The following FLRT2 variants were observed in gnomAD, a reference collection of about 807,000 sequenced individuals.
FLRT2 encodes leucine-rich repeat transmembrane protein FLRT2.
Under a neutral mutation model 40.0 loss-of-function variants are expected in FLRT2, and 15 were observed. The observed-to-expected ratio is 0.38, with a 90% CI of 0.25 to 0.58. The LOEUF (loss-of-function observed/expected upper bound fraction) is 0.58, where lower values mean the gene tolerates loss of function less well. Ranked by LOEUF, FLRT2 falls within the 20% of genes least tolerant of loss-of-function variation. The pLI is 0.71. For synonymous variants in FLRT2, 380 were observed against 336.8 expected, an observed-to-expected ratio of 1.13 and a Z score of -1.41; for missense variants, 726 against 840.0, an observed-to-expected ratio of 0.86 and a Z score of 1.68.
chr14:85,535,349 C>A (rs965488094), intron 1 of FLRT2, among the ~76,000 whole-genome samples: 10 of 68,772 alleles, frequency 1.5e-4, no homozygotes, highest in Non-Finnish European at 2.8e-4. Context: ...TGAAAAGCCC[C>A]CCCCCAAAAA....
chr14:85,553,356 A>G (rs1354977588), intron 1 of FLRT2, among the ~76,000 whole-genome samples: 3 of 152,182 alleles, frequency 2.0e-5, no homozygotes, highest in African/African-American at 7.2e-5. Flanking sequence ...CAGTGAGGCT[A>G]TGCTGCTGGG....
intron 1 of FLRT2, among the ~76,000 whole-genome samples, chr14:85,545,078 GCT>G (rs1171534696): frequency 2.6e-5 from 4 of 152,064 alleles, no homozygotes; most frequent in African/African-American, 7.2e-5. Context: ...AATACTGGAG[GCT>G]TATAACACCA....
intron 1 of FLRT2, 113 bp downstream of exon 1, chr14:85,530,647 G>A (rs1179937985): frequency 1.3e-5 from 2 of 152,444 alleles, no homozygotes; most frequent in African/African-American, 4.8e-5. Context: ...AGCTGGGGGT[G>A]GTCATCTTAA....
chr14:85,554,086 T>G (rs1889804093), intron 1 of FLRT2, among the ~76,000 whole-genome samples: 1 of 152,148 alleles, frequency 6.6e-6, no homozygotes, highest in South Asian at 2.1e-4. Context: ...GAGAACATCT[T>G]ATTTTAGTCT....
rs1365864504 is a variant in FLRT2, at chr14:85,642,618, A to C, written c.*19121A>C. On this transcript the variant is annotated 3_prime_UTR_variant, in exon 2 of 2. Transcript: ENST00000330753. ...GAGAAATCTGCGGACTATGTATGGC[A>C]ACAGACTCAAAGGGAGGTACACCAG... is the stretch of plus-strand genomic sequence containing the variant. 2.0e-5 allele frequency: 3 copies of C among 152,210 alleles called. No individual in the cohort carries two copies. Among genetic ancestry groups the C allele is most frequent in the Non-Finnish European group, 2.9e-5 (2 of 68,030 alleles). 9.4% of individuals were successfully genotyped at this position (152,210 alleles called of 1,614,324 possible). A position where few individuals can be genotyped will look rare whatever the true frequency, so the allele number is the denominator to read the frequency against.
Position 85,579,641 on chromosome 14 carries a change from A to C in FLRT2, c.-376-41498A>C, listed in dbSNP as rs1030867498. 5.3e-5 allele frequency among the ~76,000 whole-genome samples: 8 copies of C among 152,120 alleles called. 1 individual carries two copies. The highest frequency in any genetic ancestry group is 1.9e-4 in the African/African-American group (8 of 41,440). ...AAAATGGAAATAAAATTCTTAGCCC[A>C]TGGGGTTGTTTTGAAGATGCAAACA... On this transcript the variant is annotated intron_variant, in intron 1 of 1. Transcript: ENST00000330753.
rs1894200318 is a variant in FLRT2 at position 85,643,303 on chromosome 14, C to CTTTCTTTCTTTCTTTA, written c.*19821_*19822insATTTCTTTCTTTCTTT. 5 of 92,260 alleles carry CTTTCTTTCTTTCTTTA rather than the reference C, an allele frequency of 5.4e-5. 1 individual carries two copies. Among genetic ancestry groups the CTTTCTTTCTTTCTTTA allele is most frequent in the African/African-American group, 1.6e-4 (3 of 18,926 alleles). The allele number at this position is 92,260 out of a possible 1,614,324, so 5.7% of individuals were successfully genotyped here. A position where few individuals can be genotyped will look rare whatever the true frequency, so the allele number is the denominator to read the frequency against. ...GGGTATTTCTTTTTTTTCTTTCTTT[C>CTTTCTTTCTTTCTTTA]TTTCTTTCTTTCTTTCTTTCTTTCT... is the stretch of plus-strand genomic sequence containing the variant. On this transcript the variant is annotated 3_prime_UTR_variant, in exon 2 of 2. Transcript: ENST00000330753.
At chr14:85,534,751 G>C (rs553900055) in intron 1 of FLRT2, among the ~76,000 whole-genome samples, 2 of 151,912 alleles carry the variant, frequency 1.3e-5, no homozygotes, top group Non-Finnish European at 2.9e-5. Context: ...GAGAGAAGAC[G>C]GTCACGTTTC....
Position 85,627,399 on chromosome 14 carries a change from TG to T in FLRT2, c.*3906del, listed in dbSNP as rs1456333486. ...AGGGTCAAAAGACAGTTACTAGCAA[TG>T]GGGAATGCTTGTCACTGTGGAGAAA... On this transcript the variant is annotated 3_prime_UTR_variant, in exon 2 of 2. Transcript: ENST00000330753. 43 of 167,206 alleles carry T rather than the reference TG, an allele frequency of 2.6e-4. No individual in the cohort carries two copies. The highest frequency in any genetic ancestry group is 9.9e-4 in the African/African-American group (41 of 41,580). The allele number at this position is 167,206 out of a possible 1,614,324, so 10.4% of individuals were successfully genotyped here.
intron 1 of FLRT2, among the ~76,000 whole-genome samples, chr14:85,566,056 TGCCAAATCTAA>T (rs1413649389): frequency 6.6e-6 from 1 of 152,182 alleles, no homozygotes; most frequent in Non-Finnish European, 1.5e-5. Context: ...CTTTGTCCTC[TGCCAAATCTAA>T]GCCATGCCAA....
chr14:85,558,910 T>G (rs1366604853), intron 1 of FLRT2, among the ~76,000 whole-genome samples: 2 of 152,258 alleles, frequency 1.3e-5, no homozygotes, highest in African/African-American at 4.8e-5. Flanking sequence ...GAACTAGTTA[T>G]TTGCATAGTT....
At chr14:85,587,904 G>A (rs1342849011) in intron 1 of FLRT2, among the ~76,000 whole-genome samples, 1 of 151,870 alleles carries the variant, frequency 6.6e-6, no homozygotes, top group Non-Finnish European at 1.5e-5. Context: ...GAAATGTTCT[G>A]GGGGACTGCT....
rs144481709 is a variant in FLRT2 at position 85,574,778 on chromosome 14, G to A, written c.-377+44244G>A. Among the ~76,000 whole-genome samples, 978 of 152,212 alleles carry A rather than the reference G, an allele frequency of 6.4e-3. 12 individuals are homozygous for A. Among genetic ancestry groups the A allele is most frequent in the Middle Eastern group, 0.024 (7 of 294 alleles). On this transcript the variant is annotated intron_variant, in intron 1 of 1. Transcript: ENST00000330753. The stretch of plus-strand genomic sequence containing the variant: ...CTTCTCCTAAACTGCAGAGTATCTT[G>A]ATGTGAGGTGTGTAAGAAATCTAAG...
At chr14:85,577,486 C>A (rs764401778) in intron 1 of FLRT2, among the ~76,000 whole-genome samples, 36 of 152,276 alleles carry the variant, frequency 2.4e-4, no homozygotes, top group Middle Eastern at 3.4e-3. Context: ...TGCAGCCATG[C>A]TCCCTTTCAA....
chr14:85,555,058 T>C (rs1404421103), intron 1 of FLRT2, among the ~76,000 whole-genome samples: 1 of 152,196 alleles, frequency 6.6e-6, no homozygotes. Context: ...AGTTAGAAAT[T>C]TGATTGTACT....
intron 1 of FLRT2, among the ~76,000 whole-genome samples, chr14:85,610,592 C>A (rs1417640655): frequency 6.6e-6 from 1 of 152,204 alleles, no homozygotes; most frequent in Non-Finnish European, 1.5e-5. Flanking sequence ...CTGAGACACA[C>A]CAGTCTTTCA....
chr14:85,615,337 C>T (rs528712395), intron 1 of FLRT2, among the ~76,000 whole-genome samples: 63 of 152,332 alleles, frequency 4.1e-4, no homozygotes, highest in African/African-American at 1.1e-3. Flanking sequence ...GTGAGAACAA[C>T]GCTTCAAATG....
At chr14:85,557,528 C>G (rs189906698) in intron 1 of FLRT2, among the ~76,000 whole-genome samples, 1 of 152,216 alleles carries the variant, frequency 6.6e-6, no homozygotes, top group Admixed American at 6.5e-5. Context: ...AACAAAAGCA[C>G]GGCAAGGCGC....
chr14:85,633,623 A>T lies in FLRT2; in HGVS notation c.*10126A>T, dbSNP rs1231289593. ...AGACCAGCCTGGGCAATGCAGTGAGACCCTATCTCTAAAAAAAAAAAAAAA... is the reference window on the plus strand; with the variant it reads ...AGACCAGCCTGGGCAATGCAGTGAGTCCCTATCTCTAAAAAAAAAAAAAAA... On this transcript the variant is annotated 3_prime_UTR_variant, in exon 2 of 2. Transcript: ENST00000330753. The T allele has an allele frequency of 7.1e-6, 1 of 141,694 alleles. No homozygotes were observed. The highest frequency in any genetic ancestry group is 1.6e-5 in the Non-Finnish European group (1 of 63,652). 8.8% of individuals were successfully genotyped at this position (141,694 alleles called of 1,614,324 possible). A position where few individuals can be genotyped will look rare whatever the true frequency, so the allele number is the denominator to read the frequency against.
Sources: allele counts gnomAD v4.1 joint callset (sites outside exome capture counted in the v4.1 genomes callset), GRCh38; gene constraint gnomAD v4.1.1; transcripts MANE v1.5; gene names NCBI Gene and HGNC (gene_info 2026-07-23, HGNC 2026-07-21).